The following CAMK1D variants were observed in gnomAD, a reference collection of about 807,000 sequenced individuals.
CAMK1D encodes calcium/calmodulin-dependent protein kinase type 1D.
A neutral mutation model predicts 47.7 loss-of-function variants in CAMK1D; 9 were observed. The observed-to-expected ratio is 0.19, with a 90% CI of 0.11 to 0.33. CAMK1D has a LOEUF of 0.33. Ranked by LOEUF, CAMK1D falls within the 10% of genes least tolerant of loss-of-function variation. The pLI, the probability that CAMK1D is intolerant of heterozygous loss-of-function variation, is 1.00. For missense variants in CAMK1D, 291 were observed against 488.7 expected (o/e 0.60, Z 3.81); for synonymous variants, 184 against 184.9 (o/e 0.99, Z 0.04).
intron 3 of CAMK1D, among the ~76,000 whole-genome samples, chr10:12,690,463 G>T (rs1353901260): frequency 6.6e-6 from 1 of 152,152 alleles, no homozygotes; most frequent in East Asian, 1.9e-4. Context: ...TACGTATTTA[G>T]TAGATTTGGG....
intron 3 of CAMK1D, among the ~76,000 whole-genome samples, chr10:12,734,491 T>C: frequency 7.1e-6 from 1 of 140,358 alleles, no homozygotes; most frequent in African/African-American, 2.7e-5. Flanking sequence ...TACACATATG[T>C]ATATATATAC....
intron 1 of CAMK1D, among the ~76,000 whole-genome samples, chr10:12,376,236 C>T (rs1838177906): frequency 6.7e-6 from 1 of 149,866 alleles, no homozygotes; most frequent in South Asian, 2.1e-4. Flanking sequence ...TGCTTGGCAT[C>T]AGGTACTTCC....
intron 2 of CAMK1D, among the ~76,000 whole-genome samples, chr10:12,622,532 G>A (rs902163781): frequency 4.1e-5 from 6 of 147,252 alleles, no homozygotes; most frequent in South Asian, 2.1e-4. Context: ...GTGTGTGTAC[G>A]TGTGTGTGTG....
intron 3 of CAMK1D, chr10:12,760,534 C>T (rs1009621472): frequency 1.3e-5 from 2 of 158,600 alleles, no homozygotes; most frequent in Non-Finnish European, 2.8e-5. Context: ...ATCCCGTTGG[C>T]AGGCCAGCGT....
chr10:12,789,358 A>AC (rs1442706374), intron 5 of CAMK1D, among the ~76,000 whole-genome samples: 3 of 152,196 alleles, frequency 2.0e-5, no homozygotes, highest in Admixed American at 1.3e-4. Context: ...AGACGCTCTC[A>AC]CCTTAGCAAA....
chr10:12,653,296 C>A (rs1030869753), intron 2 of CAMK1D: 3 of 152,978 alleles, frequency 2.0e-5, no homozygotes, highest in African/African-American at 7.2e-5. Flanking sequence ...ACAATACTGC[C>A]ACATTAGGGA....
intron 1 of CAMK1D, among the ~76,000 whole-genome samples, chr10:12,478,405 A>T (rs1357695893): frequency 6.7e-6 from 1 of 150,162 alleles, no homozygotes; most frequent in East Asian, 2.0e-4. Flanking sequence ...GGACTCAAGC[A>T]ATTCTCTCAC....
At chr10:12,697,896 G>A (rs1055262014) in intron 3 of CAMK1D, among the ~76,000 whole-genome samples, 5 of 152,106 alleles carry the variant, frequency 3.3e-5, no homozygotes, top group African/African-American at 7.2e-5. Flanking sequence ...TAGGCTTTGC[G>A]GGCAGTGGAA....
intron 3 of CAMK1D, among the ~76,000 whole-genome samples, chr10:12,698,673 A>ATTTTTTTTTTTT (rs573723767): frequency 1.3e-4 from 13 of 103,916 alleles, no homozygotes; most frequent in South Asian, 3.3e-4. Flanking sequence ...CCTTTAAAGA[A>ATTTTTTTTTTTT]TTTTTTTTTT....
Position 12,803,984 on chromosome 10 carries a change from G to C in CAMK1D, c.642-10211G>C, listed in dbSNP as rs377161525. Among the ~76,000 whole-genome samples, 48 of 152,300 alleles carry C rather than the reference G, an allele frequency of 3.2e-4. No individual in the cohort carries two copies. The East Asian group carries it at 7.5e-3, about 24-fold the overall frequency. On this transcript the variant is annotated intron_variant, in intron 6 of 10. Coordinates refer to ENST00000619168, the MANE Select transcript of CAMK1D (RefSeq NM_153498.4). ...TGCTGGGCAGTTGCTGGTGGGAGGA[G>C]CTCCGCAGCAAGGAAGTCCCTGGAG...
Position 12,677,182 on chromosome 10 carries a change from C to G in CAMK1D, c.299+10372C>G, listed in dbSNP as rs181968516. Among the ~76,000 whole-genome samples the G allele has an allele frequency of 1.6e-3, 238 of 152,186 alleles. 2 individuals carry two copies. The highest frequency in any genetic ancestry group is 2.2e-3 in the Non-Finnish European group (151 of 68,010). On this transcript the variant is annotated intron_variant, in intron 3 of 10. Transcript: ENST00000619168. ...TGTGGGGGTCACCGCTGTTAGCTGT[C>G]GTGTGGATATTGTATTCATAATTCA...
intron 3 of CAMK1D, among the ~76,000 whole-genome samples, chr10:12,755,827 C>G (rs1461293785): frequency 6.6e-6 from 1 of 152,104 alleles, no homozygotes; most frequent in Non-Finnish European, 1.5e-5. Context: ...TCATCACAGC[C>G]TACAGATTTC....
chr10:12,785,579 C>T (rs752141295), intron 5 of CAMK1D, among the ~76,000 whole-genome samples: 93 of 152,218 alleles, frequency 6.1e-4, no homozygotes, highest in Non-Finnish European at 1.1e-3. Flanking sequence ...GCCCTCATCA[C>T]TTTCCGAGGC....
rs1271350435 is a variant in CAMK1D at position 12,545,277 on chromosome 10, TAAAAAAAC to T, written c.93-7931_93-7924del. On this transcript the variant is annotated intron_variant, in intron 1 of 10. Transcript: ENST00000619168. ...CAACATGGTGAAAACTAGTCTCTAC[TAAAAAAAC>T]AAAAAAACAAAAAAACTAGCTGGAC... 1.1e-3 allele frequency among the ~76,000 whole-genome samples: 5 copies of T among 4,478 alleles called. No homozygotes were observed. In the Admixed American group the frequency reaches 0.016, roughly 14 times the overall value. 2.9% of individuals were successfully genotyped at this position (4,478 alleles called of 152,430 possible).
At chr10:12,704,601 A>C (rs1833661682) in intron 3 of CAMK1D, among the ~76,000 whole-genome samples, 2 of 152,220 alleles carry the variant, frequency 1.3e-5, no homozygotes, top group African/African-American at 4.8e-5. Context: ...TGATTCATCA[A>C]GTTTTGAAAC....
At chr10:12,427,392 G>C (rs1840269704) in intron 1 of CAMK1D, among the ~76,000 whole-genome samples, 1 of 152,156 alleles carries the variant, frequency 6.6e-6, no homozygotes, top group Non-Finnish European at 1.5e-5. Flanking sequence ...GCATGGAGAG[G>C]CTGGGGAAGA....
chr10:12,454,720 C>T (rs2132039674), intron 1 of CAMK1D, among the ~76,000 whole-genome samples: 1 of 152,310 alleles, frequency 6.6e-6, no homozygotes, highest in South Asian at 2.1e-4. Flanking sequence ...GCCTCAGCCC[C>T]TAAAAGTGCT....
chr10:12,383,826 C>A (rs1432392709), intron 1 of CAMK1D, among the ~76,000 whole-genome samples: 2 of 152,158 alleles, frequency 1.3e-5, no homozygotes, highest in African/African-American at 4.8e-5. Context: ...GCTCTCACCA[C>A]CCCCATTCAA....
chr10:12,381,853 G>A (rs1838357680), intron 1 of CAMK1D, among the ~76,000 whole-genome samples: 1 of 152,146 alleles, frequency 6.6e-6, no homozygotes, highest in African/African-American at 2.4e-5. Flanking sequence ...GCTGTTGCCT[G>A]ATGAGTTTTC....
Sources: allele counts gnomAD v4.1 joint callset (sites outside exome capture counted in the v4.1 genomes callset), GRCh38; gene constraint gnomAD v4.1.1; transcripts MANE v1.5; gene names NCBI Gene and HGNC (gene_info 2026-07-23, HGNC 2026-07-21).